Variants in LYPLAL1 observed in about 807,000 individuals in gnomAD.
LYPLAL1 encodes lysophospholipase like 1, also known as lysophospholipase-like protein 1.
In LYPLAL1, 23 loss-of-function variants were observed where a neutral mutation model predicts 19.7. That is an observed-to-expected ratio of 1.17 (90% CI 0.84 to 1.65). The LOEUF is 1.65. Ranked by LOEUF, LYPLAL1 falls within the 40% of genes most tolerant of loss-of-function variation. The probability of loss-of-function intolerance (pLI) is 0.00; values close to 1 mark genes in which losing one functional copy is unlikely to be tolerated. For synonymous variants in LYPLAL1, 119 were observed against 96.3 expected (o/e 1.24, Z -1.38); for missense variants, 355 against 279.4 (o/e 1.27, Z -1.93).
chr1:219,419,586 C>CAGAGAGAG, the LYPLAL1 span, among the ~76,000 whole-genome samples: 31 of 120,530 alleles, frequency 2.6e-4, no homozygotes, highest in African/African-American at 8.0e-4. Context: ...CACACACACA[C>CAGAGAGAG]ACACACACAG....
chr1:219,333,942 G>A, the LYPLAL1 span, among the ~76,000 whole-genome samples: 2 of 152,044 alleles, frequency 1.3e-5, no homozygotes, highest in Admixed American at 1.3e-4. Context: ...GAAACCATGA[G>A]ATTGACTTGA....
At chr1:219,281,536 G>A in the LYPLAL1 span, among the ~76,000 whole-genome samples, 1 of 152,050 alleles carries the variant, frequency 6.6e-6, no homozygotes, top group Non-Finnish European at 1.5e-5. Context: ...TTCAGGAGAA[G>A]GTTTGGAACC....
chr1:219,174,329 T>C, intron 1 of LYPLAL1: 1 of 1,119,330 alleles, frequency 8.9e-7, no homozygotes, highest in Non-Finnish European at 1.1e-6. Context: ...AGAGGGAAAT[T>C]ATTTAGTGTT....
chr1:219,268,138 T>C, the LYPLAL1 span, among the ~76,000 whole-genome samples: 5 of 152,164 alleles, frequency 3.3e-5, no homozygotes, highest in African/African-American at 1.2e-4. Flanking sequence ...GCTTATATTC[T>C]AGTGTGGAAA....
the LYPLAL1 span, among the ~76,000 whole-genome samples, chr1:219,439,082 T>C: frequency 6.6e-5 from 10 of 152,272 alleles, no homozygotes; most frequent in African/African-American, 2.4e-4. Flanking sequence ...AACTCATTTC[T>C]GAACTATTTC....
the LYPLAL1 span, among the ~76,000 whole-genome samples, chr1:219,245,015 C>T: frequency 6.8e-6 from 1 of 146,446 alleles, no homozygotes; most frequent in Admixed American, 6.9e-5. Flanking sequence ...TTCTTTCCTT[C>T]CTCCCTCCCT....
the LYPLAL1 span, among the ~76,000 whole-genome samples, chr1:219,280,260 A>G: frequency 2.0e-5 from 3 of 152,244 alleles, no homozygotes; most frequent in Admixed American, 6.5e-5. Context: ...GTAAACAAGC[A>G]GATAATACGT....
At chr1:219,374,361 C>A in the LYPLAL1 span, among the ~76,000 whole-genome samples, 1 of 152,122 alleles carries the variant, frequency 6.6e-6, no homozygotes, top group East Asian at 1.9e-4. Context: ...ATGACCCATC[C>A]TGGCAGCCCA....
the LYPLAL1 span, among the ~76,000 whole-genome samples, chr1:219,233,248 A>C: frequency 6.6e-6 from 1 of 152,220 alleles, no homozygotes; most frequent in Non-Finnish European, 1.5e-5. Flanking sequence ...TGCTAAGTGA[A>C]ACAAGACAGT....
At chr1:219,409,970 T>A in the LYPLAL1 span, 1 of 152,226 alleles carries the variant, frequency 6.6e-6, no homozygotes. Context: ...GCCACTACAT[T>A]TGTACCGTTT....
At chr1:219,327,308 G>C in the LYPLAL1 span, among the ~76,000 whole-genome samples, 1 of 152,118 alleles carries the variant, frequency 6.6e-6, no homozygotes, top group African/African-American at 2.4e-5. Context: ...AGCACAACTC[G>C]CTTTAATTGC....
the LYPLAL1 span, among the ~76,000 whole-genome samples, chr1:219,228,946 T>C: frequency 1.3e-5 from 2 of 152,058 alleles, no homozygotes; most frequent in Non-Finnish European, 2.9e-5. Flanking sequence ...CACAAAGTGC[T>C]AGGATTACAG....
At chr1:219,220,193 C>G in the LYPLAL1 span, among the ~76,000 whole-genome samples, 1 of 152,096 alleles carries the variant, frequency 6.6e-6, no homozygotes, top group African/African-American at 2.4e-5. Flanking sequence ...TACAAGAGAC[C>G]CATTATGCCA....
intron 3 of LYPLAL1, among the ~76,000 whole-genome samples, chr1:219,201,003 A>G (rs1446525547): frequency 6.6e-6 from 1 of 152,208 alleles, no homozygotes; most frequent in African/African-American, 2.4e-5. Context: ...AACTTTTTTA[A>G]GATTCTTAAT....
chr1:219,315,479 C>A, the LYPLAL1 span, among the ~76,000 whole-genome samples: 1 of 152,036 alleles, frequency 6.6e-6, no homozygotes, highest in Non-Finnish European at 1.5e-5. Context: ...CTTACAGAAA[C>A]AAATTTTGAT....
intron 3 of LYPLAL1, chr1:219,193,504 G>T: frequency 4.4e-6 from 1 of 228,688 alleles, no homozygotes; most frequent in Non-Finnish European, 8.6e-6. Context: ...TTTTCTTCTA[G>T]TTTAATTTTC....
At chr1:219,269,448 A>C in the LYPLAL1 span, among the ~76,000 whole-genome samples, 20 of 151,808 alleles carry the variant, frequency 1.3e-4, no homozygotes, top group Non-Finnish European at 2.7e-4. Flanking sequence ...GGTAATGTAC[A>C]ACATAGCAGA....
chr1:219,325,455 T>C, the LYPLAL1 span, among the ~76,000 whole-genome samples: 10 of 152,340 alleles, frequency 6.6e-5, no homozygotes, highest in South Asian at 4.1e-4. Context: ...CGTCCCTTTC[T>C]TGACTCATGA....
chr1:219,378,013 AAC>A, the LYPLAL1 span, among the ~76,000 whole-genome samples: 1 of 152,194 alleles, frequency 6.6e-6, no homozygotes, highest in East Asian at 1.9e-4. Context: ...GTTCCAATAA[AAC>A]TTCACTTTCA....
Sources: allele counts gnomAD v4.1 joint callset (sites outside exome capture counted in the v4.1 genomes callset), GRCh38; gene constraint gnomAD v4.1.1; transcripts MANE v1.5; gene names NCBI Gene and HGNC (gene_info 2026-07-23, HGNC 2026-07-21).